Variants in CUX1 observed in about 807,000 individuals in gnomAD.
CUX1 encodes the protein cut like homeobox 1.
Under a neutral mutation model 158.8 loss-of-function variants are expected in CUX1, and 31 were observed. That is an observed-to-expected ratio of 0.20 (90% CI 0.15 to 0.26). The LOEUF is 0.26. Ranked by LOEUF, CUX1 falls within the 10% of genes least tolerant of loss-of-function variation. The probability of loss-of-function intolerance (pLI) is 1.00; values close to 1 mark genes in which losing one functional copy is unlikely to be tolerated. For missense variants in CUX1, 1,589 were observed against 2,014.6 expected (o/e 0.79, Z 4.04); for synonymous variants, 879 against 862.1 (o/e 1.02, Z -0.34).
chr7:101,885,069 A>G (rs986371152), intron 1 of CUX1, among the ~76,000 whole-genome samples: 2 of 152,156 alleles, frequency 1.3e-5, no homozygotes, highest in African/African-American at 4.8e-5. Flanking sequence ...TAGCGGAAAT[A>G]TTTGTTGAAC....
intron 3 of CUX1, among the ~76,000 whole-genome samples, chr7:102,031,753 G>A (rs768461281): frequency 5.3e-5 from 8 of 151,958 alleles, no homozygotes; most frequent in African/African-American, 9.7e-5. Context: ...CATATGCATC[G>A]TCTCCCTTAG....
intron 10 of CUX1, among the ~76,000 whole-genome samples, chr7:102,177,688 C>T (rs1251245030): frequency 8.5e-5 from 13 of 152,130 alleles, no homozygotes; most frequent in African/African-American, 3.1e-4. Context: ...TCTGCTCACA[C>T]ATCACCATCT....
chr7:102,173,121 G>A (rs1124297), intron 10 of CUX1, among the ~76,000 whole-genome samples: 78,750 of 151,954 alleles, frequency 0.52, 22,354 homozygotes, highest in African/African-American at 0.74. Context: ...GCACTTTGGG[G>A]GGCCGAGGCG....
intron 4 of CUX1, among the ~76,000 whole-genome samples, chr7:102,087,949 A>G (rs556786300): frequency 1.3e-5 from 2 of 151,944 alleles, no homozygotes; most frequent in Admixed American, 6.6e-5. Flanking sequence ...CACACTGGCA[A>G]TGAATTCTGT....
At chr7:101,829,752 C>G (rs548934964) in intron 1 of CUX1, among the ~76,000 whole-genome samples, 21 of 152,296 alleles carry the variant, frequency 1.4e-4, no homozygotes, top group African/African-American at 4.6e-4. Context: ...CCTGGCAAGA[C>G]TTCAAACTCA....
chr7:102,082,225 A>G (rs1384460851), intron 4 of CUX1, among the ~76,000 whole-genome samples: 2 of 146,648 alleles, frequency 1.4e-5, no homozygotes, highest in African/African-American at 4.9e-5. Context: ...GCACCCCAAG[A>G]GTAAAAAAGT....
intron 2 of CUX1, among the ~76,000 whole-genome samples, chr7:101,928,687 T>G (rs1805918210): frequency 7.3e-6 from 1 of 137,018 alleles, no homozygotes; most frequent in African/African-American, 2.8e-5. Context: ...TTTTTTTTTT[T>G]TGAGACGGAG....
At chr7:101,884,306 A>G (rs556799230) in intron 1 of CUX1, among the ~76,000 whole-genome samples, 2 of 152,312 alleles carry the variant, frequency 1.3e-5, no homozygotes, top group East Asian at 3.9e-4. Context: ...TGGGATATAT[A>G]CTTATAGTTA....
chr7:102,199,998 T>G (rs1586177223), intron 16 of CUX1, 73 bp from the exon 17 acceptor site: 1 of 1,303,038 alleles, frequency 7.7e-7, no homozygotes, highest in East Asian at 2.4e-5. Context: ...TATATCAGAA[T>G]GACGTCTTCG....
chr7:101,939,465 A>C (rs1807428894), intron 2 of CUX1, among the ~76,000 whole-genome samples: 1 of 152,012 alleles, frequency 6.6e-6, no homozygotes. Flanking sequence ...CCCACACCTA[A>C]CCCTCGTCTG....
intron 20 of CUX1, among the ~76,000 whole-genome samples, chr7:102,209,831 C>G (rs1554522651): frequency 6.6e-6 from 1 of 152,186 alleles, no homozygotes; most frequent in Non-Finnish European, 1.5e-5. Context: ...GGCTTGTTTG[C>G]TCAGAGTGTG....
intron 2 of CUX1, among the ~76,000 whole-genome samples, chr7:101,948,751 G>T (rs1808690918): frequency 6.6e-6 from 1 of 152,154 alleles, no homozygotes; most frequent in African/African-American, 2.4e-5. Flanking sequence ...CCCCATTGAG[G>T]TCCTCCGTTT....
At chr7:101,907,555 GC>G (rs752968737) in intron 1 of CUX1, among the ~76,000 whole-genome samples, 41 of 152,044 alleles carry the variant, frequency 2.7e-4, no homozygotes, top group Non-Finnish European at 3.4e-4. Context: ...CACCATGTTG[GC>G]CTGGCTGGTT....
chr7:102,216,602 A>ACACACACTCTCC (rs1563425248), intron 20 of CUX1, among the ~76,000 whole-genome samples: 7 of 29,418 alleles, frequency 2.4e-4, no homozygotes, highest in African/African-American at 5.9e-4. Context: ...ACACTCCCAC[A>ACACACACTCTCC]CACACACACA....
At chr7:101,910,740 G>A (rs1186670040) in intron 1 of CUX1, among the ~76,000 whole-genome samples, 1 of 135,838 alleles carries the variant, frequency 7.4e-6, no homozygotes, top group Non-Finnish European at 1.5e-5. Flanking sequence ...GAGCAAGACT[G>A]TCTCAAAAAA....
chr7:102,117,828 G>A (rs893542915), intron 8 of CUX1, among the ~76,000 whole-genome samples: 11 of 152,332 alleles, frequency 7.2e-5, no homozygotes, highest in Non-Finnish European at 1.2e-4. Flanking sequence ...CAGAGGTTCC[G>A]AACGATTTGC....
At chr7:102,246,420 C>T (rs1187135396) in intron 23 of CUX1, among the ~76,000 whole-genome samples, 1 of 152,148 alleles carries the variant, frequency 6.6e-6, no homozygotes, top group Non-Finnish European at 1.5e-5. Context: ...GAGCTCACTG[C>T]ACGCAGGAAT....
At chr7:102,091,558 C>G (rs967362830) in intron 4 of CUX1, among the ~76,000 whole-genome samples, 8 of 152,150 alleles carry the variant, frequency 5.3e-5, no homozygotes, top group Admixed American at 3.3e-4. Flanking sequence ...TGGTCTTGAA[C>G]TGCTGGCCTC....
intron 2 of CUX1, among the ~76,000 whole-genome samples, chr7:102,015,378 C>T (rs957037583): frequency 6.6e-6 from 1 of 152,096 alleles, no homozygotes; most frequent in Admixed American, 6.6e-5. Flanking sequence ...CAGGCACACA[C>T]CACCATGCCC....
Sources: gnomAD v4.1 joint callset for allele counts (sites outside exome capture counted in the v4.1 genomes callset) on GRCh38, gnomAD v4.1.1 for gene constraint, MANE v1.5 for transcripts, NCBI Gene and HGNC (gene_info 2026-07-23, HGNC 2026-07-21) for gene names.